The following AFG2A variants were observed in gnomAD, a reference collection of about 807,000 sequenced individuals.
AFG2A encodes the protein ATPase family gene 2 protein homolog A.
the AFG2A span, among the ~76,000 whole-genome samples, chr4:123,227,985 T>C: frequency 2.0e-5 from 3 of 152,186 alleles, no homozygotes; most frequent in Non-Finnish European, 4.4e-5. Flanking sequence ...TTGTCTCTTT[T>C]GATCTTTGTT....
the AFG2A span, chr4:122,934,487 G>T: frequency 2.8e-4 from 445 of 1,614,216 alleles, no homozygotes; most frequent in African/African-American, 5.2e-3. Context: ...GCCAGAGAAG[G>T]AAATGAGCAA....
At chr4:123,195,688 G>A in the AFG2A span, among the ~76,000 whole-genome samples, 1 of 152,112 alleles carries the variant, frequency 6.6e-6, no homozygotes, top group African/African-American at 2.4e-5. Flanking sequence ...GATCTACAAG[G>A]TATTAGGGAT....
At chr4:123,287,490 A>G in the AFG2A span, among the ~76,000 whole-genome samples, 6 of 152,234 alleles carry the variant, frequency 3.9e-5, no homozygotes, top group Admixed American at 6.5e-5. Context: ...GCTATAAGGC[A>G]TATAAATTCC....
the AFG2A span, chr4:122,929,080 A>G: frequency 3.1e-6 from 5 of 1,613,744 alleles, no homozygotes; most frequent in African/African-American, 4.0e-5. Flanking sequence ...CCTGGAGGCA[A>G]GGTCGGCCTG....
the AFG2A span, among the ~76,000 whole-genome samples, chr4:123,157,680 T>G: frequency 1.3e-5 from 2 of 152,174 alleles, no homozygotes; most frequent in Non-Finnish European, 2.9e-5. Context: ...TAACAGCATC[T>G]TAATTAGTTC....
chr4:123,030,760 A>C, the AFG2A span, among the ~76,000 whole-genome samples: 3 of 152,080 alleles, frequency 2.0e-5, no homozygotes, highest in African/African-American at 7.2e-5. Flanking sequence ...TTTGGACCTG[A>C]AGTGTTTAGA....
At chr4:123,185,400 G>A in the AFG2A span, among the ~76,000 whole-genome samples, 1 of 151,844 alleles carries the variant, frequency 6.6e-6, no homozygotes, top group Non-Finnish European at 1.5e-5. Context: ...CCTTTACTCT[G>A]TTTTACATAT....
chr4:123,308,619 C>T, the AFG2A span, among the ~76,000 whole-genome samples: 4 of 152,310 alleles, frequency 2.6e-5, no homozygotes, highest in Middle Eastern at 3.4e-3. Flanking sequence ...TGAAACCACC[C>T]GCACTCCTCC....
the AFG2A span, chr4:122,934,233 C>A: frequency 2.5e-6 from 4 of 1,614,078 alleles, no homozygotes; most frequent in Non-Finnish European, 3.4e-6. Context: ...ACACTGATGC[C>A]CAAAGAATGG....
chr4:122,979,869 G>C, the AFG2A span, among the ~76,000 whole-genome samples: 1 of 152,206 alleles, frequency 6.6e-6, no homozygotes, highest in Non-Finnish European at 1.5e-5. Context: ...CTGCACTTCA[G>C]CCTGGGTGAC....
At chr4:122,954,230 T>C in the AFG2A span, among the ~76,000 whole-genome samples, 1 of 152,068 alleles carries the variant, frequency 6.6e-6, no homozygotes, top group Admixed American at 6.6e-5. Flanking sequence ...ATTCCACTCA[T>C]CTTGAGTCTG....
the AFG2A span, among the ~76,000 whole-genome samples, chr4:123,176,607 C>T: frequency 4.0e-5 from 6 of 151,738 alleles, no homozygotes; most frequent in Non-Finnish European, 8.8e-5. Flanking sequence ...CTAGTGTGGT[C>T]GGACGGAAGG....
At chr4:122,963,811 GTATTAT>G in the AFG2A span, among the ~76,000 whole-genome samples, 1 of 152,142 alleles carries the variant, frequency 6.6e-6, no homozygotes. Context: ...TTTTGTTGAT[GTATTAT>G]TATTAATATT....
chr4:123,259,462 G>A, the AFG2A span, among the ~76,000 whole-genome samples: 1 of 152,132 alleles, frequency 6.6e-6, no homozygotes, highest in African/African-American at 2.4e-5. Context: ...AGCAGGTTGC[G>A]TCTTTTAGCC....
At chr4:122,947,677 A>G in the AFG2A span, among the ~76,000 whole-genome samples, 1 of 152,198 alleles carries the variant, frequency 6.6e-6, no homozygotes, top group Non-Finnish European at 1.5e-5. Flanking sequence ...ATAAAAAAAA[A>G]TAAAAATCAC....
chr4:123,220,831 A>G, the AFG2A span, among the ~76,000 whole-genome samples: 1 of 152,156 alleles, frequency 6.6e-6, no homozygotes, highest in African/African-American at 2.4e-5. Context: ...AAAATCAATC[A>G]TTTTGGAGGC....
the AFG2A span, among the ~76,000 whole-genome samples, chr4:123,228,355 T>A: frequency 6.6e-6 from 1 of 152,006 alleles, no homozygotes; most frequent in African/African-American, 2.4e-5. Flanking sequence ...CAGTGGCTGG[T>A]ACCGGTTGTT....
the AFG2A span, chr4:122,947,640 G>A: frequency 2.0e-6 from 2 of 982,366 alleles, no homozygotes; most frequent in Non-Finnish European, 2.7e-6. Flanking sequence ...AATTTTTATT[G>A]GAAAAACCTA....
At chr4:122,965,268 T>G in the AFG2A span, among the ~76,000 whole-genome samples, 4 of 152,214 alleles carry the variant, frequency 2.6e-5, no homozygotes, top group African/African-American at 9.6e-5. Flanking sequence ...AACATATAAC[T>G]TAGCAAGCAC....
Sources: allele counts gnomAD v4.1 joint callset (sites outside exome capture counted in the v4.1 genomes callset), GRCh38; gene constraint gnomAD v4.1.1; transcripts MANE v1.5; gene names NCBI Gene and HGNC (gene_info 2026-07-23, HGNC 2026-07-21).